Variants in NRG3 observed in about 807,000 individuals in gnomAD.
NRG3 encodes pro-neuregulin-3, membrane-bound isoform.
In NRG3, 31 loss-of-function variants were observed where a neutral mutation model predicts 66.9. The ratio of observed to expected loss-of-function variants is 0.46; its 90% CI spans 0.35 to 0.63. The LOEUF (loss-of-function observed/expected upper bound fraction) is 0.63, where lower values mean the gene tolerates loss of function less well. Ranked by LOEUF, NRG3 falls within the 20% of genes least tolerant of loss-of-function variation. The pLI, the probability that NRG3 is intolerant of heterozygous loss-of-function variation, is 0.00. For synonymous variants in NRG3, 393 were observed against 359.4 expected, an observed-to-expected ratio of 1.09 and a Z score of -1.06; for missense variants, 910 against 878.9, an observed-to-expected ratio of 1.04 and a Z score of -0.45.
intron 2 of NRG3, among the ~76,000 whole-genome samples, chr10:82,385,514 G>A (rs886839984): frequency 1.1e-4 from 17 of 152,106 alleles, no homozygotes; most frequent in African/African-American, 4.1e-4. Context: ...AAATGGTGTG[G>A]AGCAAGCACC....
chr10:82,347,442 T>C (rs564676970), intron 1 of NRG3, among the ~76,000 whole-genome samples: 371 of 152,278 alleles, frequency 2.4e-3, no homozygotes, highest in African/African-American at 8.4e-3. Context: ...CAGTTTGTTA[T>C]AATCTCTGTT....
intron 1 of NRG3, among the ~76,000 whole-genome samples, chr10:81,884,903 T>G (rs1047928113): frequency 7.2e-5 from 11 of 152,200 alleles, no homozygotes; most frequent in African/African-American, 2.4e-4. Context: ...AAAATTTCCT[T>G]GTGTTCTCTT....
intron 6 of NRG3, among the ~76,000 whole-genome samples, chr10:82,970,403 G>T (rs1414595125): frequency 6.6e-6 from 1 of 152,130 alleles, no homozygotes; most frequent in East Asian, 1.9e-4. Flanking sequence ...GGGCTCAAAT[G>T]ACCCTCCCAC....
At chr10:82,028,935 G>A (rs1368291107) in intron 1 of NRG3, among the ~76,000 whole-genome samples, 1 of 152,104 alleles carries the variant, frequency 6.6e-6, no homozygotes, top group East Asian at 1.9e-4. Context: ...GTGTCCAGGT[G>A]CGGTGGCTCA....
intron 2 of NRG3, among the ~76,000 whole-genome samples, chr10:82,423,752 T>C (rs1001286034): frequency 6.6e-6 from 1 of 151,972 alleles, no homozygotes; most frequent in Non-Finnish European, 1.5e-5. Flanking sequence ...ACTATTTAAT[T>C]TTAGCATATT....
intron 1 of NRG3, among the ~76,000 whole-genome samples, chr10:81,912,574 T>C (rs1301821892): frequency 6.6e-6 from 1 of 152,220 alleles, no homozygotes; most frequent in Non-Finnish European, 1.5e-5. Flanking sequence ...AATTCTTTCA[T>C]GTTCTGGTGG....
intron 1 of NRG3, among the ~76,000 whole-genome samples, chr10:82,183,256 T>C (rs1003329251): frequency 6.6e-6 from 1 of 152,004 alleles, no homozygotes; most frequent in Admixed American, 6.6e-5. Context: ...TGTTCTCCCC[T>C]GGGACTCCCA....
At chr10:82,521,257 A>G (rs749567140) in intron 2 of NRG3, among the ~76,000 whole-genome samples, 1 of 152,178 alleles carries the variant, frequency 6.6e-6, no homozygotes, top group Non-Finnish European at 1.5e-5. Context: ...AGGGAGTCCT[A>G]ATCTCTTTGC....
intron 2 of NRG3, among the ~76,000 whole-genome samples, chr10:82,692,551 T>G (rs910064617): frequency 6.6e-6 from 1 of 152,182 alleles, no homozygotes. Flanking sequence ...GAGGAGGTCC[T>G]GCAAGCAGGT....
At chr10:82,300,813 A>AACAC (rs143658730) in intron 1 of NRG3, among the ~76,000 whole-genome samples, 1 of 151,656 alleles carries the variant, frequency 6.6e-6, no homozygotes, top group South Asian at 2.1e-4. Context: ...CTGAGTTAAA[A>AACAC]ACACACACAC....
At chr10:82,014,857 G>A (rs1167504667) in intron 1 of NRG3, among the ~76,000 whole-genome samples, 2 of 152,124 alleles carry the variant, frequency 1.3e-5, no homozygotes, top group African/African-American at 4.8e-5. Context: ...GGGAGGAATG[G>A]AGAGCCCTTA....
At chr10:82,784,590 A>T (rs1333004965) in intron 3 of NRG3, among the ~76,000 whole-genome samples, 1 of 152,230 alleles carries the variant, frequency 6.6e-6, no homozygotes, top group African/African-American at 2.4e-5. Context: ...TGCAGCCAAA[A>T]GACATATGAA....
In NRG3 at chr10:82,094,707, A is replaced by ATT. The variant is rs560514044; in HGVS notation, c.823+218544_823+218545insTT. On this transcript the variant is annotated intron_variant, in intron 1 of 8. Transcript: ENST00000372141. ...TGTATGTATATATTCAGCCATTAAA[A>ATT]CAGGGTGAAATCATGTTTCTTGCAG... Among the ~76,000 whole-genome samples, 36 of 152,354 alleles carry ATT rather than the reference A, an allele frequency of 2.4e-4. No homozygotes were observed. The South Asian group carries it at 7.2e-3, about 31-fold the overall frequency.
chr10:82,490,227 G>A lies in NRG3; in HGVS notation c.953+131359G>A, dbSNP rs140864691. Among the ~76,000 whole-genome samples the A allele has an allele frequency of 3.8e-3, 571 of 152,222 alleles. 5 individuals are homozygous for A. Among genetic ancestry groups the A allele is most frequent in the African/African-American group, 0.013 (558 of 41,536 alleles). On this transcript the variant is annotated intron_variant, in intron 2 of 8. Coordinates refer to ENST00000372141, the MANE Select transcript of NRG3 (RefSeq NM_001010848.4). ...TTAAGATGTATCTACACTCAGGTTG[G>A]CAGTTCCTCTACTTCTGGCAGCCAG...
Position 82,001,480 on chromosome 10 carries a change from G to A in NRG3, c.823+125317G>A, listed in dbSNP as rs146146104. ...ATTGTGCCATTGCACTCCAGCCTGG[G>A]CGACACAGTGAGACTCCATCTGAGG... On this transcript the variant is annotated intron_variant, in intron 1 of 8. Transcript: ENST00000372141. 2.3e-3 allele frequency among the ~76,000 whole-genome samples: 344 copies of A among 151,980 alleles called. 2 individuals are homozygous for A. Among genetic ancestry groups the A allele is most frequent in the African/African-American group, 8.0e-3 (332 of 41,446 alleles).
intron 1 of NRG3, among the ~76,000 whole-genome samples, chr10:82,162,901 TCTC>T (rs1390609467): frequency 6.6e-6 from 1 of 152,160 alleles, no homozygotes; most frequent in Non-Finnish European, 1.5e-5. Flanking sequence ...ACCATGTGAA[TCTC>T]CTCCTCTAAT....
At position 82,166,885 on chromosome 10, in the gene NRG3, G is replaced by GT. The variant is rs200826900; in HGVS notation, c.824-191845dup. 2,232 of 576,706 alleles carry GT rather than the reference G, an allele frequency of 3.9e-3. 12 individuals carry two copies. The highest frequency in any genetic ancestry group is 0.02 in the African/African-American group (1,078 of 52,652). 35.7% of individuals were successfully genotyped at this position (576,706 alleles called of 1,614,324 possible). ...ACTGAAAGGTATTTTTTTCTCAGTA[G>GT]TTTTTTTTTATTCCCTCCTTGGTAT... is the stretch of plus-strand genomic sequence containing the variant. On this transcript the variant is annotated intron_variant, in intron 1 of 8. Coordinates refer to ENST00000372141, the MANE Select transcript of NRG3 (RefSeq NM_001010848.4).
chr10:82,235,998 A>ACT (rs1225183975), intron 1 of NRG3, among the ~76,000 whole-genome samples: 1 of 151,974 alleles, frequency 6.6e-6, no homozygotes, highest in Non-Finnish European at 1.5e-5. Context: ...ACACACACAC[A>ACT]GACACAGACA....
At position 82,702,383 on chromosome 10, in the gene NRG3, T is replaced by C. The variant is rs1236579684; in HGVS notation, c.954-36194T>C. Among the ~76,000 whole-genome samples, 7 of 152,192 alleles carry C rather than the reference T, an allele frequency of 4.6e-5. 1 individual carries two copies. Among genetic ancestry groups the C allele is most frequent in the Admixed American group, 4.6e-4 (7 of 15,264 alleles). On this transcript the variant is annotated intron_variant, in intron 2 of 8. Transcript: ENST00000372141. ...ACTCCAGAGCAACTCAATTTAAAAT[T>C]TGGAACAACGATAATTACCAAAGAA...
Sources: gnomAD v4.1 joint callset for allele counts (sites outside exome capture counted in the v4.1 genomes callset) on GRCh38, gnomAD v4.1.1 for gene constraint, MANE v1.5 for transcripts, NCBI Gene and HGNC (gene_info 2026-07-23, HGNC 2026-07-21) for gene names.